The following PAK1 variants were observed in gnomAD, a reference collection of about 807,000 sequenced individuals.
PAK1 encodes p21 (RAC1) activated kinase 1, also known as serine/threonine-protein kinase PAK 1.
In PAK1, 29 loss-of-function variants were observed where a neutral mutation model predicts 67.4. That is an observed-to-expected ratio of 0.43 (90% CI 0.32 to 0.59). PAK1 has a LOEUF of 0.59. PAK1 is among the 20% of genes least tolerant of loss of function. PAK1 has a pLI of 0.07. For missense variants in PAK1, 337 were observed against 670.7 expected (o/e 0.50, Z 5.50); for synonymous variants, 223 against 237.4 (o/e 0.94, Z 0.56).
intron 1 of PAK1, among the ~76,000 whole-genome samples, chr11:77,469,944 T>TTA (rs1458209785): frequency 6.6e-6 from 1 of 152,204 alleles, no homozygotes. Context: ...TATCATTTCT[T>TTA]TATCATAAAC....
intron 1 of PAK1, among the ~76,000 whole-genome samples, chr11:77,434,322 C>T (rs943869447): frequency 6.6e-6 from 1 of 152,124 alleles, no homozygotes; most frequent in African/African-American, 2.4e-5. Context: ...CATAGATAAA[C>T]AGAATTCCAT....
chr11:77,491,660 A>T, the PAK1 span, among the ~76,000 whole-genome samples: 1 of 152,256 alleles, frequency 6.6e-6, no homozygotes, highest in Admixed American at 6.5e-5. Context: ...TGCAAGCCTC[A>T]TGATAACCTC....
At chr11:77,479,216 T>G (rs1244390486), upstream of PAK1, among the ~76,000 whole-genome samples, 1 of 152,158 alleles carries the variant, frequency 6.6e-6, no homozygotes, top group Non-Finnish European at 1.5e-5. Context: ...GTTCTATGGC[T>G]TCAAGGAAAT....
intron 5 of PAK1, among the ~76,000 whole-genome samples, chr11:77,366,713 A>G (rs538852063): frequency 5.9e-5 from 9 of 152,356 alleles, no homozygotes; most frequent in Non-Finnish European, 1.3e-4. Context: ...ACAGGCAAAG[A>G]TAGGCAGAAA....
chr11:77,365,270 A>AAAAAAAAAAAAAAAAAG (rs1947375922), intron 5 of PAK1, among the ~76,000 whole-genome samples: 2 of 109,478 alleles, frequency 1.8e-5, no homozygotes, highest in African/African-American at 3.4e-5. Context: ...AAAAAAAAAG[A>AAAAAAAAAAAAAAAAAG]AAAAAGAAAA....
chr11:77,379,472 C>G (rs1949533122), intron 3 of PAK1, 84 bp from the exon 4 acceptor site: 4 of 1,325,334 alleles, frequency 3.0e-6, no homozygotes, highest in Non-Finnish European at 4.2e-6. Flanking sequence ...TTGACACTTG[C>G]TAGCAGCAAA....
intron 1 of PAK1, among the ~76,000 whole-genome samples, chr11:77,455,015 C>A (rs1295311227): frequency 6.6e-6 from 1 of 152,128 alleles, no homozygotes; most frequent in Non-Finnish European, 1.5e-5. Flanking sequence ...TCTCTCTCAT[C>A]CACTGGTGAA....
chr11:77,371,776 A>C (rs1948461341), intron 5 of PAK1, among the ~76,000 whole-genome samples: 1 of 152,218 alleles, frequency 6.6e-6, no homozygotes, highest in South Asian at 2.1e-4. Flanking sequence ...AATGTCCTTG[A>C]CAGCCTTAGT....
At position 77,406,422 on chromosome 11, in the gene PAK1, C is replaced by T. The variant is rs1320313269; in HGVS notation, c.-21-13881G>A. On this transcript the variant is annotated intron_variant, in intron 1 of 14. Coordinates refer to ENST00000356341, the MANE Select transcript of PAK1 (RefSeq NM_002576.5). ...AGCTTTGTAAAGGAGCAACGATATG[C>T]TTTTGTAAGTCTGCTGTGCTTACCA... Among the ~76,000 whole-genome samples the T allele has an allele frequency of 2.0e-5, 3 of 152,330 alleles. No homozygotes were observed. The South Asian group carries it at 6.2e-4, about 32-fold the overall frequency.
At chr11:77,513,057 T>C in the PAK1 span, among the ~76,000 whole-genome samples, 2 of 152,124 alleles carry the variant, frequency 1.3e-5, no homozygotes, top group East Asian at 3.9e-4. Flanking sequence ...GCCACTGCAC[T>C]CCAGCCTGGG....
chr11:77,417,769 C>T (rs1955048340), intron 1 of PAK1, among the ~76,000 whole-genome samples: 1 of 150,274 alleles, frequency 6.7e-6, no homozygotes, highest in Admixed American at 6.6e-5. Context: ...AGTTTCACTC[C>T]TGTTGCCCAG....
intron 1 of PAK1, among the ~76,000 whole-genome samples, chr11:77,396,225 T>C (rs1391605899): frequency 6.6e-6 from 1 of 152,260 alleles, no homozygotes; most frequent in African/African-American, 2.4e-5. Context: ...AAATAAGCAT[T>C]GGAATCTAAT....
the PAK1 span, among the ~76,000 whole-genome samples, chr11:77,522,326 G>C: frequency 3.9e-5 from 6 of 152,298 alleles, no homozygotes; most frequent in South Asian, 6.2e-4. Flanking sequence ...ATCCTGCATG[G>C]GGACTGTGTA....
intron 5 of PAK1, among the ~76,000 whole-genome samples, chr11:77,364,193 T>C (rs534330453): frequency 1.3e-5 from 2 of 152,256 alleles, no homozygotes; most frequent in Non-Finnish European, 2.9e-5. Flanking sequence ...TGCCTGGCTA[T>C]GTGCATACAC....
At chr11:77,451,353 C>A (rs1298813780) in intron 1 of PAK1, among the ~76,000 whole-genome samples, 2 of 152,218 alleles carry the variant, frequency 1.3e-5, no homozygotes, top group Non-Finnish European at 2.9e-5. Flanking sequence ...CAGGGACATA[C>A]AGAAAAATCT....
chr11:77,475,834 A>C (rs769798708), upstream of PAK1: 1 of 152,194 alleles, frequency 6.6e-6, no homozygotes, highest in Non-Finnish European at 1.5e-5. Context: ...TCAGCACCTA[A>C]AACAGTGCTT....
chr11:77,492,361 A>C, the PAK1 span, among the ~76,000 whole-genome samples: 7,696 of 136,186 alleles, frequency 0.057, 201 homozygotes, highest in African/African-American at 0.088. Context: ...ACAACAACAA[A>C]AAAAAAAACT....
chr11:77,506,442 T>TTGAGGACA, the PAK1 span, among the ~76,000 whole-genome samples: 1 of 152,146 alleles, frequency 6.6e-6, no homozygotes, highest in African/African-American at 2.4e-5. Flanking sequence ...TGCCTGACAA[T>TTGAGGACA]TGAGGACATA....
At chr11:77,397,270 A>C (rs1270507218) in intron 1 of PAK1, 1 of 152,270 alleles carries the variant, frequency 6.6e-6, no homozygotes, top group Non-Finnish European at 1.5e-5. Flanking sequence ...ATTATATTGA[A>C]GCATTAATTA....
Sources: allele counts gnomAD v4.1 joint callset (sites outside exome capture counted in the v4.1 genomes callset), GRCh38; gene constraint gnomAD v4.1.1; transcripts MANE v1.5; gene names NCBI Gene and HGNC (gene_info 2026-07-23, HGNC 2026-07-21).